Variants in KIAA0513 observed in about 807,000 individuals in gnomAD.
The protein encoded by KIAA0513 is KIAA0513.
KIAA0513 carries 39 observed loss-of-function variants against 56.5 expected under a neutral mutation model. The ratio of observed to expected loss-of-function variants is 0.69; its 90% CI spans 0.53 to 0.90. KIAA0513 has a LOEUF of 0.90. Ranked by LOEUF, KIAA0513 falls within the 40% of genes least tolerant of loss-of-function variation. The probability of loss-of-function intolerance (pLI) is 0.00; values close to 1 mark genes in which losing one functional copy is unlikely to be tolerated. For missense variants in KIAA0513, 591 were observed against 535.2 expected, an observed-to-expected ratio of 1.10 and a Z score of -1.03; for synonymous variants, 268 against 215.6, an observed-to-expected ratio of 1.24 and a Z score of -2.13.
intron 1 of KIAA0513, among the ~76,000 whole-genome samples, chr16:85,049,867 G>A (rs960540594): frequency 9.9e-5 from 15 of 152,180 alleles, no homozygotes; most frequent in Admixed American, 9.8e-4. Context: ...GCCTCTCCCT[G>A]TCCAGTAATT....
intron 1 of KIAA0513, among the ~76,000 whole-genome samples, chr16:85,042,292 G>A (rs1325682867): frequency 2.0e-5 from 3 of 152,176 alleles, no homozygotes; most frequent in African/African-American, 7.2e-5. Context: ...TGCTAATCAC[G>A]TGCGGTCTGT....
rs1271517565 is a variant in KIAA0513 at position 85,082,575 on chromosome 16, G to C, written c.992G>C (p.Gly331Ala). ...TGCTGCCGCTCCAGAGGGGATGCTG[G>C]AGAGGAGGAGGAGAAGAGGTGTGTG... ...KRSPTTRGDA[G>A]EEEEKREKWC... is the part of the protein sequence containing the mutation. The change falls in exon 10 of 13, where the codon GGA becomes GCA. Residue 331 changes from glycine to alanine, a missense_variant. Gly to Ala is a moderately conservative substitution (Grantham distance 60). Coordinates refer to ENST00000683363, the MANE Select transcript of KIAA0513 (RefSeq NM_001388359.1). 5 of 1,614,088 alleles carry C rather than the reference G, an allele frequency of 3.1e-6. No homozygotes were observed. The highest frequency in any genetic ancestry group is 4.2e-6 in the Non-Finnish European group (5 of 1,179,982).
chr16:85,065,898 T>C (rs1278613082), intron 1 of KIAA0513, among the ~76,000 whole-genome samples: 1 of 152,218 alleles, frequency 6.6e-6, no homozygotes, highest in Non-Finnish European at 1.5e-5. Flanking sequence ...CTGTGACCTA[T>C]GTAGCCAGCT....
chr16:85,060,904 A>C (rs1443703883), intron 1 of KIAA0513, among the ~76,000 whole-genome samples: 4 of 151,840 alleles, frequency 2.6e-5, no homozygotes, highest in Non-Finnish European at 4.4e-5. Context: ...CTGTAATCCT[A>C]GCACTTTGGG....
rs189163639 is a variant in KIAA0513, at chr16:85,077,477, C to G, written c.627C>G (p.Ile209Met). The G allele has an allele frequency of 6.2e-6, 10 of 1,614,070 alleles. No homozygotes were observed. The highest frequency in any genetic ancestry group is 8.5e-6 in the Non-Finnish European group (10 of 1,180,042). Reference protein sequence around the residue: ...PESREKPAGSIDSYLKSANSW... With the variant: ...PESREKPAGSMDSYLKSANSW... ...CCCGGGAGAAGCCCGCGGGCAGCAT[C>G]GACTCCTACCTGAAATCCGCAAACA... Residue 209 changes from isoleucine (I) to methionine (M), a missense_variant, in exon 6 of 13, where the codon ATC (isoleucine) becomes ATG (methionine). Physicochemically the swap from Ile to Met is conservative, Grantham distance 10. Coordinates refer to ENST00000683363, the MANE Select transcript of KIAA0513 (RefSeq NM_001388359.1).
At chr16:85,088,200 C>A in intron 12 of KIAA0513, 76 bp from the exon 13 acceptor site, 1 of 1,390,412 alleles carries the variant, frequency 7.2e-7, no homozygotes, top group Non-Finnish European at 1.0e-6. Flanking sequence ...TCGTCCCTGT[C>A]CGAGTGACAA....
chr16:85,045,896 G>C (rs545801253), intron 1 of KIAA0513, among the ~76,000 whole-genome samples: 2 of 152,120 alleles, frequency 1.3e-5, no homozygotes, highest in Non-Finnish European at 2.9e-5. Context: ...TGGACTTTCT[G>C]TACTTATCTT....
At chr16:85,075,939 G>C (rs779812697) in intron 5 of KIAA0513, 25 bp downstream of exon 5, 1 of 1,549,574 alleles carries the variant, frequency 6.5e-7, no homozygotes, top group South Asian at 1.1e-5. Context: ...GGCTGATGTG[G>C]GGCTCACCTG....
chr16:85,031,284 C>A (rs1225953930), intron 1 of KIAA0513, among the ~76,000 whole-genome samples: 1 of 152,116 alleles, frequency 6.6e-6, no homozygotes, highest in African/African-American at 2.4e-5. Flanking sequence ...AGTTCAAGAT[C>A]AGCCTGGGCA....
chr16:85,031,657 G>A (rs1202183748), intron 1 of KIAA0513, among the ~76,000 whole-genome samples: 1 of 152,070 alleles, frequency 6.6e-6, no homozygotes, highest in Non-Finnish European at 1.5e-5. Context: ...TGCCTTCCGT[G>A]TGCCAAGATG....
intron 1 of KIAA0513, among the ~76,000 whole-genome samples, chr16:85,051,840 G>C (rs1438010883): frequency 3.3e-5 from 5 of 149,910 alleles, no homozygotes; most frequent in African/African-American, 1.2e-4. Flanking sequence ...TTTTTTAAGA[G>C]ACGGGGTCTT....
At chr16:85,031,594 C>T (rs888142322) in intron 1 of KIAA0513, among the ~76,000 whole-genome samples, 34 of 152,192 alleles carry the variant, frequency 2.2e-4, no homozygotes, top group African/African-American at 8.0e-4. Context: ...CTGCCTGTTT[C>T]TCCAGCTTCA....
chr16:85,062,323 A>G (rs2073417991), intron 1 of KIAA0513, among the ~76,000 whole-genome samples: 1 of 152,170 alleles, frequency 6.6e-6, no homozygotes, highest in African/African-American at 2.4e-5. Context: ...GTGAAGAATG[A>G]CTGGATGTTT....
intron 1 of KIAA0513, among the ~76,000 whole-genome samples, chr16:85,054,297 A>G (rs1229046204): frequency 6.6e-6 from 1 of 152,246 alleles, no homozygotes; most frequent in African/African-American, 2.4e-5. Flanking sequence ...TCCATAAGAA[A>G]GAAAATATAA....
At chr16:85,086,960 C>A in intron 11 of KIAA0513, 112 bp from the exon 12 acceptor site, 1 of 1,060,092 alleles carries the variant, frequency 9.4e-7, no homozygotes, top group Non-Finnish European at 1.4e-6. Context: ...GTTTTAGTTT[C>A]TGCTGACAAT....
At chr16:85,053,376 G>C (rs1567528987) in intron 1 of KIAA0513, among the ~76,000 whole-genome samples, 1 of 152,170 alleles carries the variant, frequency 6.6e-6, no homozygotes, top group Non-Finnish European at 1.5e-5. Flanking sequence ...ATCCTTTTGG[G>C]TCTCGATTGT....
At chr16:85,068,980 C>T (rs569857293) in intron 2 of KIAA0513, among the ~76,000 whole-genome samples, 2 of 152,194 alleles carry the variant, frequency 1.3e-5, no homozygotes, top group East Asian at 3.9e-4. Flanking sequence ...AAATATAGGG[C>T]CAACGTAAGA....
rs201411157 is a variant in KIAA0513, at chr16:85,086,768, C to G, written c.1091+44C>G. On this transcript the variant is annotated intron_variant, in intron 11 of 12. Coordinates refer to ENST00000683363, the MANE Select transcript of KIAA0513 (RefSeq NM_001388359.1). ...AAGCGGGAGGGGAGAGGGGGGAGGGCCCACCCTGTGAGCTGTCACACCTGG... is the reference window on the plus strand; with the variant it reads ...AAGCGGGAGGGGAGAGGGGGGAGGGGCCACCCTGTGAGCTGTCACACCTGG... 3 of 1,529,272 alleles carry G rather than the reference C, an allele frequency of 2.0e-6. No homozygotes were observed. In the East Asian group the frequency reaches 6.9e-5, roughly 35 times the overall value. The allele number at this position is 1,529,272 out of a possible 1,614,324, so 94.7% of individuals were successfully genotyped here. A position where few individuals can be genotyped will look rare whatever the true frequency, so the allele number is the denominator to read the frequency against.
chr16:85,047,320 A>C (rs1179825617), intron 1 of KIAA0513, among the ~76,000 whole-genome samples: 1 of 152,176 alleles, frequency 6.6e-6, no homozygotes. Flanking sequence ...GCTCGTAACA[A>C]CTTGATGGGG....
Sources: gnomAD v4.1 joint callset for allele counts (sites outside exome capture counted in the v4.1 genomes callset) on GRCh38, gnomAD v4.1.1 for gene constraint, MANE v1.5 for transcripts, NCBI Gene and HGNC (gene_info 2026-07-23, HGNC 2026-07-21) for gene names.